OSBPL9: variants seen among roughly 807,000 people sequenced by gnomAD.
OSBPL9 encodes the protein oxysterol-binding protein-related protein 9.
OSBPL9 carries 40 observed loss-of-function variants against 106.6 expected under a neutral mutation model. The observed-to-expected ratio is 0.38, with a 90% CI of 0.29 to 0.49. OSBPL9 has a LOEUF of 0.49. Among genes scored for constraint, OSBPL9 ranks in the 20% least tolerant of loss-of-function variants. OSBPL9 has a pLI of 0.97. For synonymous variants in OSBPL9, 269 were observed against 295.4 expected (o/e 0.91, Z 0.92); for missense variants, 609 against 887.2 (o/e 0.69, Z 3.98).
At chr1:51,558,076 C>G in the OSBPL9 span, among the ~76,000 whole-genome samples, 94 of 152,230 alleles carry the variant, frequency 6.2e-4, no homozygotes, top group Admixed American at 2.9e-3. Flanking sequence ...GTCAGGAGAT[C>G]AAGACCATCC....
chr1:51,633,799 C>A (rs940990052), intron 1 of OSBPL9, among the ~76,000 whole-genome samples: 1 of 152,016 alleles, frequency 6.6e-6, no homozygotes, highest in Non-Finnish European at 1.5e-5. Context: ...TTTAAAAAAA[C>A]CATTTTGTAG....
intron 4 of OSBPL9, among the ~76,000 whole-genome samples, chr1:51,717,765 T>G (rs1661329965): frequency 6.6e-6 from 1 of 151,682 alleles, no homozygotes; most frequent in African/African-American, 2.4e-5. Flanking sequence ...TTAGTAGGAA[T>G]GTAAATTAGT....
At chr1:51,652,532 C>T (rs1192130299) in intron 2 of OSBPL9, among the ~76,000 whole-genome samples, 1 of 152,074 alleles carries the variant, frequency 6.6e-6, no homozygotes, top group East Asian at 1.9e-4. Context: ...TAAAAAGAAA[C>T]AGGCAAAATT....
In OSBPL9 at chr1:51,750,213, T is replaced by C; in HGVS notation, c.543+18T>C. On this transcript the variant is annotated intron_variant, in intron 8 of 23. Coordinates refer to ENST00000428468, the MANE Select transcript of OSBPL9 (RefSeq NM_024586.6). ...TTGCCAAAGTAAGTAAATTTTACTT[T>C]CAATTACCTTTGTGTATGGAGTTCA... 1 of 1,587,762 alleles carries C rather than the reference T, an allele frequency of 6.3e-7. No homozygotes were observed. Among genetic ancestry groups the C allele is most frequent in the Non-Finnish European group, 8.6e-7 (1 of 1,163,484 alleles).
At position 51,788,715 on chromosome 1, in the gene OSBPL9, A is replaced by C. The variant is rs371757839; in HGVS notation, c.*926A>C. The stretch of plus-strand genomic sequence containing the variant: ...ATCCAAAAATGTTTTATTGCCTTAG[A>C]GGGTTTGGGAAGAGTGTGTATTTAT... On this transcript the variant is annotated 3_prime_UTR_variant, in exon 24 of 24. Coordinates refer to ENST00000428468, the MANE Select transcript of OSBPL9 (RefSeq NM_024586.6). Among the ~76,000 whole-genome samples the C allele has an allele frequency of 3.3e-5, 5 of 152,234 alleles. No individual in the cohort carries two copies. In the East Asian group the frequency reaches 7.7e-4, roughly 23 times the overall value.
chr1:51,546,748 A>T, the OSBPL9 span, among the ~76,000 whole-genome samples: 1 of 152,088 alleles, frequency 6.6e-6, no homozygotes, highest in Admixed American at 6.6e-5. Flanking sequence ...ATGGGAGAAT[A>T]TGTTCAAAAT....
the OSBPL9 span, among the ~76,000 whole-genome samples, chr1:51,544,836 G>GTTTTTTTTTTTTTTTTTTTT: frequency 7.9e-6 from 1 of 126,688 alleles, no homozygotes; most frequent in African/African-American, 3.1e-5. Context: ...TAAGAGACAT[G>GTTTTTTTTTTTTTTTTTTTT]CTTTTTTTTT....
At chr1:51,606,206 T>A (rs193108883) in intron 2 of OSBPL9, among the ~76,000 whole-genome samples, 2 of 152,162 alleles carry the variant, frequency 1.3e-5, no homozygotes, top group Non-Finnish European at 2.9e-5. Context: ...GCTGTGTGAT[T>A]CCAGTGCAGG....
At chr1:51,627,587 T>C (rs1644844127) in intron 1 of OSBPL9, among the ~76,000 whole-genome samples, 1 of 152,236 alleles carries the variant, frequency 6.6e-6, no homozygotes, top group African/African-American at 2.4e-5. Flanking sequence ...TCTAACTTTC[T>C]TTGTTCTTTT....
chr1:51,749,874 T>A (rs1263803657), intron 7 of OSBPL9, among the ~76,000 whole-genome samples: 1 of 147,606 alleles, frequency 6.8e-6, no homozygotes, highest in Admixed American at 6.7e-5. Flanking sequence ...AGACCTTGTC[T>A]CTTAAAAAAA....
chr1:51,633,844 C>G (rs1288444788), intron 1 of OSBPL9, among the ~76,000 whole-genome samples: 2 of 152,082 alleles, frequency 1.3e-5, no homozygotes, highest in African/African-American at 4.8e-5. Context: ...AGGTTGGTCT[C>G]AAACTTCAGG....
intron 4 of OSBPL9, among the ~76,000 whole-genome samples, chr1:51,718,222 A>G (rs1454201016): frequency 6.6e-6 from 1 of 152,184 alleles, no homozygotes; most frequent in Non-Finnish European, 1.5e-5. Flanking sequence ...GGTTGGGCGT[A>G]TAAGTGTAGG....
At chr1:51,751,180 T>A (rs928138423) in intron 8 of OSBPL9, among the ~76,000 whole-genome samples, 2 of 152,166 alleles carry the variant, frequency 1.3e-5, no homozygotes, top group African/African-American at 2.4e-5. Context: ...CTCTGCCTCC[T>A]GGGTGCAACT....
chr1:51,597,464 TAC>T (rs1222614917), intron 1 of OSBPL9, among the ~76,000 whole-genome samples: 32 of 147,828 alleles, frequency 2.2e-4, no homozygotes, highest in South Asian at 1.1e-3. Context: ...TGTGTGTATA[TAC>T]ACACACACAC....
At chr1:51,535,842 C>T in the OSBPL9 span, among the ~76,000 whole-genome samples, 1 of 152,130 alleles carries the variant, frequency 6.6e-6, no homozygotes, top group Non-Finnish European at 1.5e-5. Context: ...GCTGGGATTA[C>T]AGGCATGAAC....
intron 1 of OSBPL9, among the ~76,000 whole-genome samples, chr1:51,634,690 G>A (rs1474077144): frequency 6.6e-6 from 1 of 152,178 alleles, no homozygotes; most frequent in African/African-American, 2.4e-5. Flanking sequence ...GTATGAGAGT[G>A]AGAGGAGGAA....
At chr1:51,631,445 G>A (rs966312651) in intron 1 of OSBPL9, among the ~76,000 whole-genome samples, 6 of 152,054 alleles carry the variant, frequency 3.9e-5, no homozygotes, top group Non-Finnish European at 7.4e-5. Flanking sequence ...GGAGGCTGAG[G>A]CAGGAAGATC....
chr1:51,533,548 A>C, the OSBPL9 span, among the ~76,000 whole-genome samples: 908 of 151,802 alleles, frequency 6.0e-3, 11 homozygotes, highest in African/African-American at 0.021. Context: ...AGTAGATGAA[A>C]TGGCTGTGGG....
At chr1:51,579,446 C>T (rs888919223) in intron 1 of OSBPL9, among the ~76,000 whole-genome samples, 2 of 152,144 alleles carry the variant, frequency 1.3e-5, no homozygotes, top group African/African-American at 4.8e-5. Flanking sequence ...ATTAGAAATG[C>T]TTATTTAGAT....
Sources: allele counts gnomAD v4.1 joint callset (sites outside exome capture counted in the v4.1 genomes callset), GRCh38; gene constraint gnomAD v4.1.1; transcripts MANE v1.5; gene names NCBI Gene and HGNC (gene_info 2026-07-23, HGNC 2026-07-21).